The following GBF1 variants were observed in gnomAD, a reference collection of about 807,000 sequenced individuals.
GBF1 encodes the protein Golgi-specific brefeldin A-resistance guanine nucleotide exchange factor 1.
GBF1 carries 114 observed loss-of-function variants against 210.5 expected under a neutral mutation model. The observed-to-expected ratio is 0.54, with a 90% CI of 0.47 to 0.63. The LOEUF (loss-of-function observed/expected upper bound fraction) is 0.63, where lower values mean the gene tolerates loss of function less well. Ranked by LOEUF, GBF1 falls within the 30% of genes least tolerant of loss-of-function variation. GBF1 has a pLI of 0.00. For missense variants in GBF1, 1,851 were observed against 2,357.7 expected, an observed-to-expected ratio of 0.79 and a Z score of 4.45; for synonymous variants, 850 against 889.2, an observed-to-expected ratio of 0.96 and a Z score of 0.78.
chr10:102,301,726 T>A (rs1311362913), intron 3 of GBF1, among the ~76,000 whole-genome samples: 1 of 150,104 alleles, frequency 6.7e-6, no homozygotes, highest in African/African-American at 2.5e-5. Flanking sequence ...GCAGAGACGC[T>A]CCTCACTTCC....
chr10:102,351,324 G>C lies in GBF1; in HGVS notation c.364G>C (p.Val122Leu), dbSNP rs1481232157. The change falls in exon 5 of 40, where the codon GTG becomes CTG. Residue 122 changes from valine (V) to leucine (L), a missense_variant. By Grantham distance (32) the Val-to-Leu change is conservative (BLOSUM62 1). This residue lies in a region of GBF1 where 804 missense variants were observed against 958.6 expected (regional missense o/e 0.84). Coordinates refer to ENST00000369983, the MANE Select transcript of GBF1 (RefSeq NM_001377137.1). ...AGATGCTGTCACCCATGCTCGTTTT[G>C]TGGGCACGGATCCTGCCAGTGATGA... ...MADAVTHARF[V>L]GTDPASDEVV... is the part of the protein sequence containing the mutation. The C allele has an allele frequency of 1.9e-6, 3 of 1,611,854 alleles. No homozygotes were observed. The African/African-American group carries it at 4.0e-5, about 22-fold the overall frequency.
chr10:102,301,782 T>C (rs1166871682), intron 3 of GBF1, among the ~76,000 whole-genome samples: 1 of 127,998 alleles, frequency 7.8e-6, no homozygotes, highest in Non-Finnish European at 1.6e-5. Context: ...CTTCCCAGAC[T>C]GGGCAGCTGG....
At chr10:102,330,406 G>T (rs189699568) in intron 3 of GBF1, among the ~76,000 whole-genome samples, 3 of 151,878 alleles carry the variant, frequency 2.0e-5, no homozygotes, top group African/African-American at 7.3e-5. Flanking sequence ...GTAGCTGGCC[G>T]GGTGCAGTGG....
chr10:102,368,727 G>T lies in GBF1; in HGVS notation c.2880-12G>T, dbSNP rs200471442. The T allele has an allele frequency of 3.1e-6, 5 of 1,595,366 alleles. No individual in the cohort carries two copies. The South Asian group carries it at 4.4e-5, about 14-fold the overall frequency. On this transcript the variant is annotated splice_polypyrimidine_tract_variant and intron_variant, in intron 22 of 39. Coordinates refer to ENST00000369983, the MANE Select transcript of GBF1 (RefSeq NM_001377137.1). ...AGTGACTCTGTTTCTGGGATGGGGGGTAACATTACAGGAAGTGCGCCATGA... is the reference window on the plus strand; with the variant it reads ...AGTGACTCTGTTTCTGGGATGGGGGTTAACATTACAGGAAGTGCGCCATGA...
the GBF1 span, chr10:102,230,983 ACCT>A: frequency 3.1e-6 from 5 of 1,603,314 alleles, no homozygotes; most frequent in Non-Finnish European, 4.2e-6. Context: ...GCCGGGGTAC[ACCT>A]CCTCGTAGGG....
At chr10:102,314,074 T>C (rs944118964) in intron 3 of GBF1, among the ~76,000 whole-genome samples, 1 of 150,724 alleles carries the variant, frequency 6.6e-6, no homozygotes, top group African/African-American at 2.4e-5. Context: ...AAAGAAACCA[T>C]ATATGCATTT....
chr10:102,232,187 C>T, the GBF1 span: 1 of 724,180 alleles, frequency 1.4e-6, no homozygotes, highest in Non-Finnish European at 2.4e-6. Flanking sequence ...TCCCTGGCGC[C>T]TTTCTCAACC....
rs1317465272 is a variant in GBF1 at position 102,245,675 on chromosome 10, A to T, written c.-117A>T. The T allele has an allele frequency of 6.6e-6, 1 of 152,214 alleles. No individual in the cohort carries two copies. The highest frequency in any genetic ancestry group is 1.5e-5 in the Non-Finnish European group (1 of 68,078). The allele number at this position is 152,214 out of a possible 1,614,324, so 9.4% of individuals were successfully genotyped here. On this transcript the variant is annotated 5_prime_UTR_variant, in exon 1 of 40. Coordinates refer to ENST00000369983, the MANE Select transcript of GBF1 (RefSeq NM_001377137.1). ...GGCTCCTTCTCTTCTCCCATCTGCT[A>T]CCAGAGCCGGGAGAGCTGCTCGGAG... is the stretch of plus-strand genomic sequence containing the variant.
intron 3 of GBF1, among the ~76,000 whole-genome samples, chr10:102,298,164 A>G (rs1037823133): frequency 6.6e-6 from 1 of 152,110 alleles, no homozygotes; most frequent in East Asian, 1.9e-4. Flanking sequence ...TGAACTCCTG[A>G]CCTCGTGATC....
chr10:102,367,253 C>A, intron 20 of GBF1, 43 bp downstream of exon 20: 1 of 1,599,302 alleles, frequency 6.3e-7, no homozygotes, highest in Non-Finnish European at 8.6e-7. Context: ...CCCAGCACAG[C>A]TTGGGAGGTA....
chr10:102,265,714 A>AAT (rs2073792322), intron 3 of GBF1, among the ~76,000 whole-genome samples: 1 of 151,880 alleles, frequency 6.6e-6, no homozygotes, highest in Non-Finnish European at 1.5e-5. Flanking sequence ...AATGAATGAA[A>AAT]GAAAGTATCA....
intron 3 of GBF1, among the ~76,000 whole-genome samples, chr10:102,283,592 A>G (rs1165288126): frequency 6.6e-6 from 1 of 152,194 alleles, no homozygotes; most frequent in Non-Finnish European, 1.5e-5. Flanking sequence ...TGTAACAGGT[A>G]TTGAATACTA....
chr10:102,247,310 G>A (rs1265771185), intron 1 of GBF1, among the ~76,000 whole-genome samples: 1 of 152,090 alleles, frequency 6.6e-6, no homozygotes, highest in Non-Finnish European at 1.5e-5. Context: ...AAGGGGGATG[G>A]CATTATTTAT....
Position 102,365,527 on chromosome 10 carries a change from G to A in GBF1, c.2237G>A (p.Arg746Gln), listed in dbSNP as rs772367153. The A allele has an allele frequency of 3.7e-6, 6 of 1,614,018 alleles. No individual in the cohort carries two copies. Among genetic ancestry groups the A allele is most frequent in the African/African-American group, 1.3e-5 (1 of 74,894 alleles). ...GCTCAGTGGCTCCGAGAGAACCCTC[G>A]GCTGGACAAGAAGATGATTGGAGAG... ...EVAQWLRENP[R>Q]LDKKMIGEFV... The change falls in exon 18 of 40, where the codon CGG (arginine) becomes CAG (glutamine). Residue 746 changes from arginine to glutamine, a missense_variant. By Grantham distance (43) the Arg-to-Gln change is conservative. This residue lies in a region of GBF1 where 804 missense variants were observed against 958.6 expected (regional missense o/e 0.84). Coordinates refer to ENST00000369983, the MANE Select transcript of GBF1 (RefSeq NM_001377137.1).
At chr10:102,274,772 C>T (rs902292880) in intron 3 of GBF1, among the ~76,000 whole-genome samples, 2 of 119,108 alleles carry the variant, frequency 1.7e-5, no homozygotes, top group Non-Finnish European at 3.2e-5. Context: ...AGTACAGTGG[C>T]GTGATCTTTG....
chr10:102,230,803 C>G, the GBF1 span: 3 of 1,553,418 alleles, frequency 1.9e-6, no homozygotes, highest in Non-Finnish European at 2.6e-6. Context: ...TGGCACGGTG[C>G]CCGGGGCAGC....
At chr10:102,360,974 CAAA>C (rs375688888) in intron 12 of GBF1, 45 bp from the exon 13 acceptor site, 1,292 of 692,350 alleles carry the variant, frequency 1.9e-3, no homozygotes, top group Middle Eastern at 2.3e-3. Context: ...AACTCCGCCT[CAAA>C]AAAAAAAAAA....
chr10:102,283,900 C>T (rs1030805396), intron 3 of GBF1, among the ~76,000 whole-genome samples: 10 of 152,120 alleles, frequency 6.6e-5, no homozygotes, highest in African/African-American at 2.2e-4. Context: ...TGTGAAGTCT[C>T]AATAGATGTT....
At chr10:102,281,411 A>C (rs1303229026) in intron 3 of GBF1, among the ~76,000 whole-genome samples, 1 of 152,084 alleles carries the variant, frequency 6.6e-6, no homozygotes, top group Non-Finnish European at 1.5e-5. Context: ...AATCTGCATA[A>C]AATACTAAAT....
Sources: gnomAD v4.1 joint callset for allele counts (sites outside exome capture counted in the v4.1 genomes callset) on GRCh38, gnomAD v4.1.1 for gene constraint, gnomAD v4.1.1 regional missense constraint, MANE v1.5 for transcripts, NCBI Gene and HGNC (gene_info 2026-07-23, HGNC 2026-07-21) for gene names.